The following KIRREL3 variants were observed in gnomAD, a reference collection of about 807,000 sequenced individuals.
The protein encoded by KIRREL3 is kirre like nephrin family adhesion molecule 3.
KIRREL3 carries 36 observed loss-of-function variants against 89.7 expected under a neutral mutation model. The observed-to-expected ratio is 0.40, with a 90% CI of 0.31 to 0.53. KIRREL3 has a LOEUF of 0.53. KIRREL3 is among the 20% of genes least tolerant of loss of function. KIRREL3 has a pLI of 0.49. For synonymous variants in KIRREL3, 445 were observed against 441.4 expected (o/e 1.01, Z -0.10); for missense variants, 864 against 1,056.6 (o/e 0.82, Z 2.53).
chr11:126,746,679 G>T (rs538746236), intron 1 of KIRREL3, among the ~76,000 whole-genome samples: 1 of 152,238 alleles, frequency 6.6e-6, no homozygotes, highest in South Asian at 2.1e-4. Context: ...ATGATCAGGT[G>T]TATCTCTATG....
chr11:126,426,334 C>G (rs1954939328), intron 15 of KIRREL3, among the ~76,000 whole-genome samples: 1 of 152,214 alleles, frequency 6.6e-6, no homozygotes, highest in Admixed American at 6.5e-5. Flanking sequence ...AGATGCCAAA[C>G]AGCCTGAGGG....
intron 3 of KIRREL3, among the ~76,000 whole-genome samples, chr11:126,524,496 C>A (rs1958688954): frequency 1.3e-5 from 2 of 152,188 alleles, no homozygotes; most frequent in African/African-American, 4.8e-5. Context: ...AGGGGAAAAT[C>A]CTTCTTTTCT....
Position 126,782,923 on chromosome 11 carries a change from A to G in KIRREL3, c.55+217532T>C, listed in dbSNP as rs1950373226. ...GGTTTCTGATACCACTCTGTAATAAAAGGAACCAGGGCTCCTTGAAGAAAT... is the reference window on the plus strand; with the variant it reads ...GGTTTCTGATACCACTCTGTAATAAGAGGAACCAGGGCTCCTTGAAGAAAT... On this transcript the variant is annotated intron_variant, in intron 1 of 16. Transcript: ENST00000525144. The surrounding 1 kb of genome is among the most constrained non-coding windows in gnomAD (Gnocchi z 4.1). Among the ~76,000 whole-genome samples, 1 of 152,162 alleles carries G rather than the reference A, an allele frequency of 6.6e-6. No individual in the cohort carries two copies. Among genetic ancestry groups the G allele is most frequent in the South Asian group, 2.1e-4 (1 of 4,828 alleles).
chr11:126,907,035 A>T (rs1375281513), intron 1 of KIRREL3, among the ~76,000 whole-genome samples: 1 of 152,188 alleles, frequency 6.6e-6, no homozygotes, highest in Non-Finnish European at 1.5e-5. Context: ...ATGCATGTCA[A>T]CCCATTCCTC....
In KIRREL3 at chr11:126,476,950, G is replaced by A. The variant is rs1245079710; in HGVS notation, c.434-3484C>T. 3.3e-5 allele frequency among the ~76,000 whole-genome samples: 5 copies of A among 152,246 alleles called. No individual in the cohort carries two copies. The highest frequency in any genetic ancestry group is 1.9e-4 in the East Asian group (1 of 5,202). ...TTTTAATCACAAGGAAGGTGGAGGC[G>A]TTAGCCTTTTCGTGATTAATCCGGA... On this transcript the variant is annotated intron_variant, in intron 4 of 16. Transcript: ENST00000525144. This position sits in a 1 kb window ranked among gnomAD's most constrained non-coding sequence, Gnocchi z 6.4.
At chr11:126,658,019 C>A (rs1945233866) in intron 1 of KIRREL3, among the ~76,000 whole-genome samples, 1 of 152,216 alleles carries the variant, frequency 6.6e-6, no homozygotes, top group Non-Finnish European at 1.5e-5. Context: ...GGGCTGCTCA[C>A]CCAATCCCTT....
Position 126,655,133 on chromosome 11 carries a change from C to A in KIRREL3, c.56-92221G>T, listed in dbSNP as rs1945078365. Among the ~76,000 whole-genome samples, 1 of 152,170 alleles carries A rather than the reference C, an allele frequency of 6.6e-6. No homozygotes were observed. Among genetic ancestry groups the A allele is most frequent in the South Asian group, 2.1e-4 (1 of 4,820 alleles). ...TGGTGGCTGTGATTTGGCAGCTCTG[C>A]CGAAGATTTGTGAGATGGAGAAGAA... On this transcript the variant is annotated intron_variant, in intron 1 of 16. Coordinates refer to ENST00000525144, the MANE Select transcript of KIRREL3 (RefSeq NM_032531.4). This position sits in a 1 kb window ranked among gnomAD's most constrained non-coding sequence, Gnocchi z 5.0.
intron 1 of KIRREL3, among the ~76,000 whole-genome samples, chr11:126,858,018 A>C (rs1421033846): frequency 6.6e-6 from 1 of 152,206 alleles, no homozygotes; most frequent in African/African-American, 2.4e-5. Flanking sequence ...CCACTTTAAC[A>C]TGCTGGCACC....
chr11:126,720,324 C>A (rs547647058), intron 1 of KIRREL3, among the ~76,000 whole-genome samples: 1 of 152,172 alleles, frequency 6.6e-6, no homozygotes, highest in African/African-American at 2.4e-5. Context: ...GCCTGTCCCA[C>A]CAGCCCTCAC....
intron 1 of KIRREL3, among the ~76,000 whole-genome samples, chr11:126,866,288 T>G (rs1207161577): frequency 6.6e-6 from 1 of 152,188 alleles, no homozygotes; most frequent in East Asian, 1.9e-4. Flanking sequence ...TGCTTCCCTT[T>G]CCACCTGGCC....
rs767659908 is a variant in KIRREL3 at position 126,520,012 on chromosome 11, G to A, written c.433+1303C>T. ...CTGGGGAGACTCAAAGGTTGCAGGA[G>A]GTTTCTGAGGCTGGCCCCAAGTCCC... On this transcript the variant is annotated intron_variant, in intron 4 of 16. Coordinates refer to ENST00000525144, the MANE Select transcript of KIRREL3 (RefSeq NM_032531.4). This position sits in a 1 kb window ranked among gnomAD's most constrained non-coding sequence, Gnocchi z 4.9. Among the ~76,000 whole-genome samples the A allele has an allele frequency of 1.2e-4, 19 of 152,136 alleles. No individual in the cohort carries two copies. The highest frequency in any genetic ancestry group is 2.5e-4 in the Non-Finnish European group (17 of 68,024).
upstream of KIRREL3, among the ~76,000 whole-genome samples, chr11:127,002,133 C>T (rs531508061): frequency 3.1e-4 from 47 of 152,220 alleles, no homozygotes; most frequent in Non-Finnish European, 5.7e-4. Flanking sequence ...AAAAATTATC[C>T]CTTGGTATTT....
rs757983346 is a variant in KIRREL3 at position 126,571,100 on chromosome 11, G to A, written c.56-8188C>T. On this transcript the variant is annotated intron_variant, in intron 1 of 16. Coordinates refer to ENST00000525144, the MANE Select transcript of KIRREL3 (RefSeq NM_032531.4). The surrounding 1 kb of genome is among the most constrained non-coding windows in gnomAD (Gnocchi z 7.7). ...CCTCCATGTTGGTGCTTGTTGGTGC[G>A]TCGTGCCATGCTCTGTCTCCATTCT... 5.6e-4 allele frequency among the ~76,000 whole-genome samples: 85 copies of A among 152,276 alleles called. No homozygotes were observed. The highest frequency in any genetic ancestry group is 3.4e-3 in the Middle Eastern group (1 of 294).
rs187851909 is a variant in KIRREL3, at chr11:126,762,475, T to C, written c.56-199563A>G. Reference sequence around the variant, plus strand: ...AAGACTGCTCAGAAAAGGCACTTCATTCCCCAGCCTCCCTTGCCGCTATGT... The same window carrying C: ...AAGACTGCTCAGAAAAGGCACTTCACTCCCCAGCCTCCCTTGCCGCTATGT... On this transcript the variant is annotated intron_variant, in intron 1 of 16. Transcript: ENST00000525144. 2.0e-5 allele frequency among the ~76,000 whole-genome samples: 3 copies of C among 152,322 alleles called. No homozygotes were observed. The East Asian group carries it at 5.8e-4, about 29-fold the overall frequency.
intron 1 of KIRREL3, among the ~76,000 whole-genome samples, chr11:126,926,533 A>T (rs1247554268): frequency 6.6e-6 from 1 of 152,036 alleles, no homozygotes; most frequent in African/African-American, 2.4e-5. Flanking sequence ...ATGAGGGGTG[A>T]CTCGGCTGGG....
Position 126,555,084 on chromosome 11 carries a change from T to C in KIRREL3, c.133+7751A>G, listed in dbSNP as rs1456153807. Among the ~76,000 whole-genome samples, 3 of 152,212 alleles carry C rather than the reference T, an allele frequency of 2.0e-5. No homozygotes were observed. Among genetic ancestry groups the C allele is most frequent in the South Asian group, 2.1e-4 (1 of 4,832 alleles). ...CATACACTACCCTTCAATCTGTTCA[T>C]GTGACCTGATTCTTCCTGACACTGG... On this transcript the variant is annotated intron_variant, in intron 2 of 16. Transcript: ENST00000525144. This position sits in a 1 kb window ranked among gnomAD's most constrained non-coding sequence, Gnocchi z 4.2.
chr11:126,995,151 A>T lies in KIRREL3; in HGVS notation c.55+5304T>A, dbSNP rs764229605. The T allele has an allele frequency of 2.2e-6, 1 of 455,718 alleles. No individual in the cohort carries two copies. Among genetic ancestry groups the T allele is most frequent in the Non-Finnish European group, 4.4e-6 (1 of 226,886 alleles). 28.2% of individuals were successfully genotyped at this position (455,718 alleles called of 1,614,324 possible). A position where few individuals can be genotyped will look rare whatever the true frequency, so the allele number is the denominator to read the frequency against. ...GCTCACTCCCTTACGAATAGCTGTG[A>T]TGGGATATGAAATCCAAGGGAACTG... On this transcript the variant is annotated intron_variant, in intron 1 of 16. Coordinates refer to ENST00000525144, the MANE Select transcript of KIRREL3 (RefSeq NM_032531.4). This position sits in a 1 kb window ranked among gnomAD's most constrained non-coding sequence, Gnocchi z 6.5.
At position 126,943,417 on chromosome 11, in the gene KIRREL3, A is replaced by G. The variant is rs1948520113; in HGVS notation, c.55+57038T>C. 6.6e-6 allele frequency among the ~76,000 whole-genome samples: 1 copy of G among 152,200 alleles called. No homozygotes were observed. On this transcript the variant is annotated intron_variant, in intron 1 of 16. Transcript: ENST00000525144. The surrounding 1 kb of genome is among the most constrained non-coding windows in gnomAD (Gnocchi z 4.2). ...GATACCATTATCACTGACATCATCA[A>G]AAGAAGTTCCCTTTATAGATTGCAT...
At chr11:126,781,426 G>A (rs1031045258) in intron 1 of KIRREL3, among the ~76,000 whole-genome samples, 9 of 152,182 alleles carry the variant, frequency 5.9e-5, no homozygotes, top group Admixed American at 3.3e-4. Flanking sequence ...GTGTTTTGGT[G>A]TATTCTGCTT....
Sources: allele counts gnomAD v4.1 joint callset (sites outside exome capture counted in the v4.1 genomes callset), GRCh38; gene constraint gnomAD v4.1.1; non-coding constraint Gnocchi (gnomAD v3.1); transcripts MANE v1.5; gene names NCBI Gene and HGNC (gene_info 2026-07-23, HGNC 2026-07-21).